NAV1: variants seen among roughly 807,000 people sequenced by gnomAD.
NAV1 encodes the protein neuron navigator 1, also known as pore membrane and/or filament interacting like protein 3.
NAV1 carries 18 observed loss-of-function variants against 175.2 expected under a neutral mutation model. The observed-to-expected ratio is 0.10, with a 90% CI of 0.07 to 0.15. NAV1 has a LOEUF of 0.15. Among genes scored for constraint, NAV1 ranks in the 10% least tolerant of loss-of-function variants. NAV1 has a pLI of 1.00. For missense variants in NAV1, 1,731 were observed against 2,436.6 expected (o/e 0.71, Z 6.10); for synonymous variants, 897 against 978.7 (o/e 0.92, Z 1.56).
chr1:201,550,224 T>G (rs554835587), intron 1 of NAV1, among the ~76,000 whole-genome samples: 34 of 152,172 alleles, frequency 2.2e-4, no homozygotes, highest in African/African-American at 6.7e-4. Context: ...CAGGCTGGAG[T>G]GCAGTGGCAC....
chr1:201,728,484 C>G (rs778918924), intron 3 of NAV1, among the ~76,000 whole-genome samples: 26 of 151,444 alleles, frequency 1.7e-4, no homozygotes, highest in Non-Finnish European at 3.2e-4. Flanking sequence ...ATCCTGGCTC[C>G]TTGGGAGGCT....
At chr1:201,803,947 G>T (rs959977226) in intron 16 of NAV1, 2 of 563,820 alleles carry the variant, frequency 3.5e-6, no homozygotes, top group Non-Finnish European at 6.6e-6. Context: ...CTTTCTTTGG[G>T]CTCTCCATAC....
chr1:201,649,705 G>A (rs1669113753), intron 1 of NAV1, among the ~76,000 whole-genome samples: 2 of 152,194 alleles, frequency 1.3e-5, no homozygotes, highest in South Asian at 2.1e-4. Context: ...GGGGGTGAGG[G>A]GGTTACAGGC....
chr1:201,598,914 G>A (rs572107306), intron 2 of NAV1, among the ~76,000 whole-genome samples: 2 of 152,308 alleles, frequency 1.3e-5, no homozygotes, highest in South Asian at 4.1e-4. Context: ...CAGAGGCCAT[G>A]ACATCCCTCC....
intron 8 of NAV1, 104 bp from the exon 13 acceptor site, chr1:201,786,325 T>G: frequency 8.2e-7 from 1 of 1,212,814 alleles, no homozygotes; most frequent in Non-Finnish European, 1.2e-6. Context: ...TGTCCTGCTT[T>G]CAGAATCTCC....
At chr1:201,597,168 G>A (rs547833861) in intron 2 of NAV1, among the ~76,000 whole-genome samples, 1 of 152,216 alleles carries the variant, frequency 6.6e-6, no homozygotes, top group Non-Finnish European at 1.5e-5. Flanking sequence ...CGAGAACATT[G>A]GTCTAGTCTA....
chr1:201,812,524 G>C lies in NAV1; in HGVS notation c.5084G>C (p.Arg1695Thr). The C allele has an allele frequency of 6.2e-7, 1 of 1,614,206 alleles. No individual in the cohort carries two copies. The highest frequency in any genetic ancestry group is 8.5e-7 in the Non-Finnish European group (1 of 1,180,032). ...AATGGCTTCCTGGTTCGTTACCTGA[G>C]GAGGAAGCTGGTAGAGTCAGACAGC... Residue 1695 changes from arginine (R) to threonine (T), a missense_variant, in exon 27 of 30, where the codon AGG becomes ACG. Coordinates refer to ENST00000367296, the Ensembl canonical transcript of NAV1. The surrounding 1 kb of genome is among the most constrained non-coding windows in gnomAD (Gnocchi z 4.6).
intron 28 of NAV1, 109 bp from the exon 33 acceptor site, chr1:201,816,979 G>A (rs1679079324): frequency 2.1e-6 from 2 of 949,368 alleles, no homozygotes; most frequent in Non-Finnish European, 3.1e-6. Context: ...TGGCCAGGAA[G>A]TGCATATTTT....
Position 201,807,534 on chromosome 1 carries a change from T to C in NAV1, c.3649-419T>C, listed in dbSNP as rs1409957447. Among the ~76,000 whole-genome samples the C allele has an allele frequency of 2.0e-5, 3 of 152,232 alleles. No individual in the cohort carries two copies. The highest frequency in any genetic ancestry group is 4.4e-5 in the Non-Finnish European group (3 of 68,042). ...GATTGGATCACTGAGCTGTATACCA[T>C]GTGACCTCTGGGACCTTCTCTCTGT... On this transcript the variant is annotated intron_variant, in intron 17 of 29. Transcript: ENST00000367296. The surrounding 1 kb of genome is among the most constrained non-coding windows in gnomAD (Gnocchi z 5.4).
At chr1:201,697,531 G>A (rs60521182) in intron 1 of NAV1, among the ~76,000 whole-genome samples, 2,951 of 152,298 alleles carry the variant, frequency 0.019, 101 homozygotes, top group African/African-American at 0.067. Context: ...CTGGCTCTGA[G>A]ATCAGCAGGC....
chr1:201,725,254 T>A (rs1165815150), intron 3 of NAV1, among the ~76,000 whole-genome samples: 1 of 152,250 alleles, frequency 6.6e-6, no homozygotes, highest in Non-Finnish European at 1.5e-5. Context: ...CCACTTCTTA[T>A]GTCTTCTTCT....
chr1:201,757,253 CT>C (rs1245152739), intron 3 of NAV1, among the ~76,000 whole-genome samples: 1 of 152,112 alleles, frequency 6.6e-6, no homozygotes, highest in Non-Finnish European at 1.5e-5. Flanking sequence ...CAGTTTCTTT[CT>C]TTTTTCTTTT....
chr1:201,756,586 A>G (rs1347400387), intron 3 of NAV1, among the ~76,000 whole-genome samples: 2 of 152,192 alleles, frequency 1.3e-5, no homozygotes, highest in East Asian at 1.9e-4. Flanking sequence ...CTCCTTCATA[A>G]TGCCTTAAAA....
At position 201,790,990 on chromosome 1, in the gene NAV1, G is replaced by T. The variant is rs1292192764; in HGVS notation, c.3321+224G>T. 47 of 545,212 alleles carry T rather than the reference G, an allele frequency of 8.6e-5. No individual in the cohort carries two copies. The Admixed American group carries it at 1.5e-3, about 17-fold the overall frequency. 33.8% of individuals were successfully genotyped at this position (545,212 alleles called of 1,614,324 possible). On this transcript the variant is annotated intron_variant, in intron 13 of 29. Coordinates refer to ENST00000367296, the Ensembl canonical transcript of NAV1. ...CATTTTGCTTCTACTCTAATTAATA[G>T]GTATGGATGAGTTCATGTCTGATGG...
At chr1:201,770,608 C>G (rs866276585) in intron 3 of NAV1, among the ~76,000 whole-genome samples, 3 of 152,204 alleles carry the variant, frequency 2.0e-5, no homozygotes, top group Middle Eastern at 3.4e-3. Context: ...AGAGCCATTC[C>G]TAGGAGAGAT....
At chr1:201,675,238 T>C (rs922162371) in intron 1 of NAV1, among the ~76,000 whole-genome samples, 3 of 152,178 alleles carry the variant, frequency 2.0e-5, no homozygotes, top group Admixed American at 2.0e-4. Flanking sequence ...CTCCATTTCC[T>C]TGGTGAATGC....
chr1:201,718,016 A>T lies in NAV1; in HGVS notation c.861-374A>T, dbSNP rs1004766008. Among the ~76,000 whole-genome samples, 3 of 152,186 alleles carry T rather than the reference A, an allele frequency of 2.0e-5. No homozygotes were observed. Among genetic ancestry groups the T allele is most frequent in the Non-Finnish European group, 4.4e-5 (3 of 68,044 alleles). Reference sequence around the variant, plus strand: ...TGATCCTTACAACTCTATAAGGTAGATGTTATGCCATTATCCCCATTGTAC... The same window carrying T: ...TGATCCTTACAACTCTATAAGGTAGTTGTTATGCCATTATCCCCATTGTAC... On this transcript the variant is annotated intron_variant, in intron 2 of 29. Coordinates refer to ENST00000367296, the Ensembl canonical transcript of NAV1. The surrounding 1 kb of genome is among the most constrained non-coding windows in gnomAD (Gnocchi z 4.8).
At chr1:201,811,470 G>A (rs1678685082) in intron 24 of NAV1, 133 bp from the exon 29 acceptor site, 2 of 1,048,068 alleles carry the variant, frequency 1.9e-6, no homozygotes, top group Non-Finnish European at 2.8e-6. Context: ...GTAATCTGCT[G>A]TAATCAAATT....
At chr1:201,631,913 G>C (rs1470911519) in intron 2 of NAV1, among the ~76,000 whole-genome samples, 1 of 152,130 alleles carries the variant, frequency 6.6e-6, no homozygotes, top group Admixed American at 6.5e-5. Flanking sequence ...CTAGCACAGT[G>C]CCTGGCGGTC....
Sources: gnomAD v4.1 joint callset for allele counts (sites outside exome capture counted in the v4.1 genomes callset) on GRCh38, gnomAD v4.1.1 for gene constraint, Gnocchi (gnomAD v3.1) non-coding constraint, MANE v1.5 for transcripts, NCBI Gene and HGNC (gene_info 2026-07-23, HGNC 2026-07-21) for gene names.